CALN1: variants seen among roughly 807,000 people sequenced by gnomAD.
CALN1 encodes the protein calcium-binding protein 8.
A neutral mutation model predicts 30.6 loss-of-function variants in CALN1; 17 were observed. The observed-to-expected ratio is 0.56, with a 90% CI of 0.38 to 0.83. The LOEUF is 0.83. Among genes scored for constraint, CALN1 ranks in the 40% least tolerant of loss-of-function variants. CALN1 has a pLI of 0.00. For synonymous variants in CALN1, 156 were observed against 131.4 expected (o/e 1.19, Z -1.28); for missense variants, 291 against 354.9 (o/e 0.82, Z 1.45).
chr7:71,993,455 CTTTT>C (rs34736851), intron 5 of CALN1, among the ~76,000 whole-genome samples: 3 of 133,858 alleles, frequency 2.2e-5, no homozygotes, highest in Admixed American at 7.6e-5. Context: ...AACAATGAGG[CTTTT>C]TTTTTTTTTT....
intron 4 of CALN1, among the ~76,000 whole-genome samples, chr7:72,054,132 T>A (rs991448105): frequency 1.3e-5 from 2 of 152,076 alleles, no homozygotes; most frequent in Non-Finnish European, 2.9e-5. Flanking sequence ...TTTTGTATAA[T>A]GACTTCTTTT....
intron 5 of CALN1, among the ~76,000 whole-genome samples, chr7:71,841,532 C>T (rs1273855172): frequency 6.6e-6 from 1 of 152,220 alleles, no homozygotes; most frequent in Non-Finnish European, 1.5e-5. Flanking sequence ...ATAAATCATT[C>T]TACCTAAGAC....
chr7:72,177,846 G>T (rs914075418), intron 3 of CALN1, among the ~76,000 whole-genome samples: 1 of 151,392 alleles, frequency 6.6e-6, no homozygotes, highest in South Asian at 2.1e-4. Flanking sequence ...CAGGCTATTT[G>T]CTCCTTATTT....
At position 72,108,697 on chromosome 7, in the gene CALN1, C is replaced by T. The variant is rs564046488; in HGVS notation, c.245-2403G>A. Among the ~76,000 whole-genome samples, 3 of 152,304 alleles carry T rather than the reference C, an allele frequency of 2.0e-5. No homozygotes were observed. The East Asian group carries it at 5.8e-4, about 29-fold the overall frequency. On this transcript the variant is annotated intron_variant, in intron 3 of 6. Coordinates refer to ENST00000395275, the MANE Select transcript of CALN1 (RefSeq NM_031468.4). ...ATTCCTTCCCTATGATATATAAGTC[C>T]TGGGTCTGGTAGGTGATGGCTGGGG... is the stretch of plus-strand genomic sequence containing the variant.
At chr7:72,501,917 A>C in the CALN1 span, among the ~76,000 whole-genome samples, 2 of 89,342 alleles carry the variant, frequency 2.2e-5, no homozygotes, top group Non-Finnish European at 4.1e-5. Context: ...TCAAAAAAAA[A>C]AAAAAAAAAA....
chr7:72,421,548 G>A (rs565240874), intron 1 of CALN1, among the ~76,000 whole-genome samples: 4 of 131,938 alleles, frequency 3.0e-5, no homozygotes, highest in Non-Finnish European at 6.4e-5. Flanking sequence ...TCATATTTCA[G>A]ATGATAAGAT....
intron 5 of CALN1, among the ~76,000 whole-genome samples, chr7:71,889,298 T>G (rs1336972231): frequency 6.6e-6 from 1 of 152,172 alleles, no homozygotes; most frequent in Non-Finnish European, 1.5e-5. Context: ...GAAGGCAAGC[T>G]CCCTTGGGGC....
At chr7:71,922,235 G>A (rs1794983563) in intron 5 of CALN1, among the ~76,000 whole-genome samples, 2 of 152,080 alleles carry the variant, frequency 1.3e-5, no homozygotes, top group African/African-American at 4.8e-5. Context: ...GGCACGCTAT[G>A]AAGGATTTGA....
intron 3 of CALN1, among the ~76,000 whole-genome samples, chr7:72,133,753 T>A (rs1303823058): frequency 6.6e-6 from 1 of 152,210 alleles, no homozygotes; most frequent in African/African-American, 2.4e-5. Flanking sequence ...ACATATCACC[T>A]GATTAGGTTC....
At chr7:72,224,789 A>C (rs1283676216) in intron 3 of CALN1, among the ~76,000 whole-genome samples, 1 of 149,308 alleles carries the variant, frequency 6.7e-6, no homozygotes, top group East Asian at 2.0e-4. Flanking sequence ...AAAAAATTAA[A>C]AAAAAAGAGC....
In CALN1 at chr7:72,203,979, C is replaced by CTTTTTTTTTTTTTTTT. The variant is rs869149598; in HGVS notation, c.244+74691_244+74706dup. On this transcript the variant is annotated intron_variant, in intron 3 of 6. Coordinates refer to ENST00000395275, the MANE Select transcript of CALN1 (RefSeq NM_031468.4). ...TAGCCTTCATATAAGAGGCCTCTCT[C>CTTTTTTTTTTTTTTTT]TTTTTTTTTTTTTTTTTTTTTTTTT... is the stretch of plus-strand genomic sequence containing the variant. Among the ~76,000 whole-genome samples the CTTTTTTTTTTTTTTTT allele has an allele frequency of 6.0e-5, 5 of 83,808 alleles. 2 individuals are homozygous for CTTTTTTTTTTTTTTTT. Among genetic ancestry groups the CTTTTTTTTTTTTTTTT allele is most frequent in the African/African-American group, 2.6e-4 (5 of 19,132 alleles). 55.0% of individuals were successfully genotyped at this position (83,808 alleles called of 152,430 possible). A position where few individuals can be genotyped will look rare whatever the true frequency, so the allele number is the denominator to read the frequency against.
At chr7:72,348,169 A>G (rs1802742596) in intron 2 of CALN1, among the ~76,000 whole-genome samples, 1 of 152,200 alleles carries the variant, frequency 6.6e-6, no homozygotes, top group South Asian at 2.1e-4. Context: ...TGTTTGCATC[A>G]ACATAGTAAG....
chr7:72,409,630 C>T (rs892362219), intron 1 of CALN1, among the ~76,000 whole-genome samples: 3 of 152,046 alleles, frequency 2.0e-5, no homozygotes, highest in Admixed American at 1.3e-4. Context: ...AAATTCCAAT[C>T]ACTGGGAGCA....
At chr7:72,490,323 C>T in the CALN1 span, among the ~76,000 whole-genome samples, 12 of 152,238 alleles carry the variant, frequency 7.9e-5, no homozygotes, top group Non-Finnish European at 1.3e-4. Flanking sequence ...ACTGTGTGGA[C>T]AAAAAGACTG....
intron 1 of CALN1, among the ~76,000 whole-genome samples, chr7:72,408,148 G>A (rs534298664): frequency 7.9e-5 from 12 of 151,772 alleles, no homozygotes; most frequent in African/African-American, 2.9e-4. Flanking sequence ...AAAACAAACC[G>A]TAGGCCTGGC....
chr7:72,306,685 T>C (rs1222989921), intron 2 of CALN1, among the ~76,000 whole-genome samples: 1 of 152,040 alleles, frequency 6.6e-6, no homozygotes, highest in Non-Finnish European at 1.5e-5. Context: ...AATTTACCTA[T>C]AGCCTAGAAG....
intron 3 of CALN1, among the ~76,000 whole-genome samples, chr7:72,175,391 C>A (rs983153112): frequency 6.6e-6 from 1 of 152,030 alleles, no homozygotes; most frequent in East Asian, 1.9e-4. Flanking sequence ...TAAACCAGAG[C>A]AAATTCAGAA....
chr7:71,985,917 A>G (rs925362224), intron 5 of CALN1, among the ~76,000 whole-genome samples: 1 of 151,750 alleles, frequency 6.6e-6, no homozygotes, highest in African/African-American at 2.4e-5. Context: ...TAGCAACATG[A>G]CTTGTAATAA....
chr7:72,470,410 C>T, the CALN1 span, among the ~76,000 whole-genome samples: 3 of 152,094 alleles, frequency 2.0e-5, no homozygotes, highest in African/African-American at 7.2e-5. Context: ...GATGTACCCC[C>T]AGTAATGTAC....
Sources: allele counts gnomAD v4.1 joint callset (sites outside exome capture counted in the v4.1 genomes callset), GRCh38; gene constraint gnomAD v4.1.1; transcripts MANE v1.5; gene names NCBI Gene and HGNC (gene_info 2026-07-23, HGNC 2026-07-21).